Variants in ZNF679 observed in about 807,000 individuals in gnomAD.
ZNF679 encodes hypothetical protein MGC42415.
A neutral mutation model predicts 13.4 loss-of-function variants in ZNF679; 10 were observed. That is an observed-to-expected ratio of 0.75 (90% confidence interval 0.46 to 1.27). The LOEUF (loss-of-function observed/expected upper bound fraction) is 1.27. Among genes scored for constraint, ZNF679 ranks in the 50% most tolerant of loss-of-function variants. The pLI is 0.00. For synonymous variants in ZNF679, 179 were observed against 162.5 expected (o/e 1.10, Z -0.77); for missense variants, 525 against 477.8 (o/e 1.10, Z -0.92).
intron 1 of ZNF679, among the ~76,000 whole-genome samples, chr7:64,241,062 G>A (rs1787791873): frequency 6.6e-6 from 1 of 152,162 alleles, no homozygotes; most frequent in Non-Finnish European, 1.5e-5. Context: ...TAATGTGGAA[G>A]GGTGACAGTC....
chr7:64,231,150 A>T (rs2164110), intron 1 of ZNF679, among the ~76,000 whole-genome samples: 106,185 of 152,108 alleles, frequency 0.7, 37,427 homozygotes, highest in East Asian at 0.9. Flanking sequence ...CTCTGACCTT[A>T]CTACAAGTAA....
At chr7:64,247,575 T>C (rs554074531) in intron 1 of ZNF679, among the ~76,000 whole-genome samples, 98 of 136,898 alleles carry the variant, frequency 7.2e-4, no homozygotes, top group African/African-American at 2.3e-3. Context: ...CTTTCTTATT[T>C]TGAGACAGTC....
At chr7:64,260,470 G>A (rs1788062138) in intron 3 of ZNF679, 123 bp downstream of exon 3, 2 of 1,425,048 alleles carry the variant, frequency 1.4e-6, no homozygotes, top group Admixed American at 2.5e-5. Context: ...AAAATCTTGG[G>A]GATTCATTGG....
chr7:64,264,650 C>A (rs912357392), intron 4 of ZNF679, among the ~76,000 whole-genome samples: 8 of 151,914 alleles, frequency 5.3e-5, no homozygotes, highest in Admixed American at 5.3e-4. Context: ...TTATTATTCT[C>A]ACCATGAAGA....
At chr7:64,263,594 C>T (rs1788105961) in intron 4 of ZNF679, among the ~76,000 whole-genome samples, 4 of 152,134 alleles carry the variant, frequency 2.6e-5, no homozygotes, top group Non-Finnish European at 5.9e-5. Context: ...TGACTTGGTA[C>T]AATCCCCTTG....
intron 2 of ZNF679, among the ~76,000 whole-genome samples, chr7:64,251,456 A>C (rs2116532469): frequency 6.6e-6 from 1 of 152,326 alleles, no homozygotes; most frequent in African/African-American, 2.4e-5. Flanking sequence ...CATATCTCAA[A>C]AAAAAAGAAA....
At chr7:64,232,416 T>C (rs1328965020) in intron 1 of ZNF679, among the ~76,000 whole-genome samples, 1 of 152,202 alleles carries the variant, frequency 6.6e-6, no homozygotes, top group African/African-American at 2.4e-5. Context: ...CTAACTACAA[T>C]TAAAATCTCT....
At position 64,266,013 on chromosome 7, in the gene ZNF679, C is replaced by G. The variant is rs752313234; in HGVS notation, c.380C>G (p.Thr127Arg). 1 of 1,613,374 alleles carries G rather than the reference C, an allele frequency of 6.2e-7. No homozygotes were observed. The highest frequency in any genetic ancestry group is 2.2e-5 in the East Asian group (1 of 44,810). The change falls in exon 5 of 5, where the codon ACA becomes AGA. Residue 127 changes from threonine to arginine, a missense_variant. Transcript: ENST00000421025. ...KSGHDNLQVK[T>R]CKSMGECEVQ... is the part of the protein sequence containing the mutation. ...GGACATGACAATTTACAAGTAAAAACATGTAAAAGCATGGGTGAGTGTGAG... is the reference window on the plus strand; with the variant it reads ...GGACATGACAATTTACAAGTAAAAAGATGTAAAAGCATGGGTGAGTGTGAG...
chr7:64,241,398 G>A (rs1218749675), intron 1 of ZNF679, among the ~76,000 whole-genome samples: 1 of 152,178 alleles, frequency 6.6e-6, no homozygotes, highest in Admixed American at 6.5e-5. Flanking sequence ...TTGCCACTTT[G>A]GGCAGAGTCA....
chr7:64,236,971 AAGAAAAAG>A (rs1352746558), intron 1 of ZNF679, among the ~76,000 whole-genome samples: 63 of 20,018 alleles, frequency 3.1e-3, no homozygotes, highest in African/African-American at 9.1e-3. Flanking sequence ...GAAAGAAAGA[AAGAAAAAG>A]AAAGAAAGAA....
At chr7:64,228,907 A>G (rs1166119364) in intron 1 of ZNF679, among the ~76,000 whole-genome samples, 4 of 152,206 alleles carry the variant, frequency 2.6e-5, no homozygotes, top group South Asian at 2.1e-4. Context: ...TGGGAGAGTG[A>G]CCATCCTTAT....
intron 1 of ZNF679, among the ~76,000 whole-genome samples, chr7:64,241,872 C>T (rs980300189): frequency 6.6e-6 from 1 of 152,136 alleles, no homozygotes; most frequent in Non-Finnish European, 1.5e-5. Context: ...TGGGCCAAGA[C>T]AATACAGTAA....
intron 1 of ZNF679, among the ~76,000 whole-genome samples, chr7:64,239,864 C>T (rs1402650503): frequency 6.6e-6 from 1 of 152,142 alleles, no homozygotes; most frequent in Non-Finnish European, 1.5e-5. Flanking sequence ...CCTCTCTTGC[C>T]TGGAACTGTT....
chr7:64,235,034 C>T (rs934045207), intron 1 of ZNF679, among the ~76,000 whole-genome samples: 11 of 152,192 alleles, frequency 7.2e-5, no homozygotes, highest in Middle Eastern at 3.4e-3. Flanking sequence ...GACAGGGTTT[C>T]GCCATGTTGG....
intron 4 of ZNF679, among the ~76,000 whole-genome samples, chr7:64,263,964 CTT>C (rs1279653177): frequency 1.3e-5 from 2 of 151,842 alleles, no homozygotes; most frequent in East Asian, 1.9e-4. Context: ...AAAGTGAGGT[CTT>C]AATGTTTATA....
At chr7:64,256,325 C>T (rs932705065) in intron 2 of ZNF679, among the ~76,000 whole-genome samples, 1 of 152,208 alleles carries the variant, frequency 6.6e-6, no homozygotes, top group Non-Finnish European at 1.5e-5. Flanking sequence ...CCATTGAAGA[C>T]ATACAGGTTT....
chr7:64,240,973 T>G (rs1787790765), intron 1 of ZNF679, among the ~76,000 whole-genome samples: 1 of 152,186 alleles, frequency 6.6e-6, no homozygotes, highest in Non-Finnish European at 1.5e-5. Context: ...ATCTGTCGAT[T>G]GGATTAATGT....
intron 2 of ZNF679, among the ~76,000 whole-genome samples, chr7:64,256,913 G>C (rs1471310228): frequency 6.6e-6 from 1 of 152,042 alleles, no homozygotes; most frequent in Non-Finnish European, 1.5e-5. Flanking sequence ...AGCCAGGCTG[G>C]TCTTGAACTC....
chr7:64,234,455 T>C (rs569921901), intron 1 of ZNF679, among the ~76,000 whole-genome samples: 1 of 152,004 alleles, frequency 6.6e-6, no homozygotes, highest in Non-Finnish European at 1.5e-5. Flanking sequence ...TTGAGTAAAA[T>C]GTGGGGGGAC....
Sources: allele counts gnomAD v4.1 joint callset (sites outside exome capture counted in the v4.1 genomes callset), GRCh38; gene constraint gnomAD v4.1.1; transcripts MANE v1.5; gene names NCBI Gene and HGNC (gene_info 2026-07-23, HGNC 2026-07-21).